The following ZNF71 variants were observed in gnomAD, a reference collection of about 807,000 sequenced individuals.
ZNF71 encodes the protein endothelial zinc finger protein induced by tumor necrosis factor alpha.
Under a neutral mutation model 6.7 loss-of-function variants are expected in ZNF71, and 3 were observed. The observed-to-expected ratio is 0.45, with a 90% CI of 0.20 to 1.16. The LOEUF (loss-of-function observed/expected upper bound fraction) is 1.16, where lower values mean the gene tolerates loss of function less well. Among genes scored for constraint, ZNF71 ranks in the 50% most tolerant of loss-of-function variants. ZNF71 has a pLI of 0.25. For synonymous variants in ZNF71, 343 were observed against 311.1 expected (o/e 1.10, Z -1.08); for missense variants, 688 against 728.6 (o/e 0.94, Z 0.64).
chr19:56,622,949 C>A lies in ZNF71; in HGVS notation c.*192C>A. The A allele has an allele frequency of 2.7e-6, 2 of 732,026 alleles. No homozygotes were observed. Among genetic ancestry groups the A allele is most frequent in the Non-Finnish European group, 4.5e-6 (2 of 448,200 alleles). The allele number at this position is 732,026 out of a possible 1,614,324, so 45.3% of individuals were successfully genotyped here. A position where few individuals can be genotyped will look rare whatever the true frequency, so the allele number is the denominator to read the frequency against. ...TCCTTACTGAGCCTCAGAAAGCAAGCCCCTCGGTGTCTGACGTATCTGGGG... is the reference window on the plus strand; with the variant it reads ...TCCTTACTGAGCCTCAGAAAGCAAGACCCTCGGTGTCTGACGTATCTGGGG... On this transcript the variant is annotated 3_prime_UTR_variant, in exon 4 of 4. Transcript: ENST00000599599.
chr19:56,605,121 A>G (rs1285761664), intron 2 of ZNF71, among the ~76,000 whole-genome samples: 1 of 152,188 alleles, frequency 6.6e-6, no homozygotes, highest in African/African-American at 2.4e-5. Flanking sequence ...ACAATTAAAA[A>G]CAATTTTGAA....
At position 56,603,740 on chromosome 19, in the gene ZNF71, G is replaced by T. The variant is rs1173779218; in HGVS notation, c.33+2149G>T. On this transcript the variant is annotated intron_variant, in intron 2 of 3. Transcript: ENST00000599599. The surrounding 1 kb of genome is among the most constrained non-coding windows in gnomAD (Gnocchi z 4.6). ...TTACCTACATTACTTAGAAAGATTTGTTGATTGTTTTTATTTCAACAGGGT... is the reference window on the plus strand; with the variant it reads ...TTACCTACATTACTTAGAAAGATTTTTTGATTGTTTTTATTTCAACAGGGT... Among the ~76,000 whole-genome samples, 1 of 147,280 alleles carries T rather than the reference G, an allele frequency of 6.8e-6. No homozygotes were observed. The highest frequency in any genetic ancestry group is 1.5e-5 in the Non-Finnish European group (1 of 66,816).
Position 56,622,949 on chromosome 19 carries a change from C to G in ZNF71, c.*192C>G. The G allele has an allele frequency of 2.7e-6, 2 of 732,028 alleles. No homozygotes were observed. Among genetic ancestry groups the G allele is most frequent in the Non-Finnish European group, 2.2e-6 (1 of 448,202 alleles). The allele number at this position is 732,028 out of a possible 1,614,324, so 45.3% of individuals were successfully genotyped here. ...TCCTTACTGAGCCTCAGAAAGCAAG[C>G]CCCTCGGTGTCTGACGTATCTGGGG... is the stretch of plus-strand genomic sequence containing the variant. On this transcript the variant is annotated 3_prime_UTR_variant, in exon 4 of 4. Transcript: ENST00000599599.
intron 2 of ZNF71, among the ~76,000 whole-genome samples, chr19:56,611,297 C>T (rs944694986): frequency 6.6e-6 from 1 of 152,092 alleles, no homozygotes; most frequent in Non-Finnish European, 1.5e-5. Flanking sequence ...TTTTCATTAC[C>T]TGCCGCTCTG....
Position 56,621,818 on chromosome 19 carries a change from G to A in ZNF71, c.711G>A (p.Gln237=). 1 of 1,612,192 alleles carries A rather than the reference G, an allele frequency of 6.2e-7. No individual in the cohort carries two copies. The highest frequency in any genetic ancestry group is 2.2e-5 in the East Asian group (1 of 44,886). The part of the protein sequence containing the change: ...FIERSSLTIH[Q]RVHTGEKPYA... ...AGCGCTCGTCCCTCACCATCCACCA[G>A]CGGGTGCACACGGGCGAGAAGCCCT... Residue 237 remains glutamine (Q), a synonymous_variant, in exon 4 of 4, where the codon CAG becomes CAA. Coordinates refer to ENST00000599599, the MANE Select transcript of ZNF71 (RefSeq NM_001370215.1).
intron 3 of ZNF71, among the ~76,000 whole-genome samples, chr19:56,614,203 A>G (rs1333632124): frequency 6.6e-6 from 1 of 152,242 alleles, no homozygotes; most frequent in Admixed American, 6.5e-5. Flanking sequence ...CAAACTTATG[A>G]GCTGGTGATT....
intron 3 of ZNF71, among the ~76,000 whole-genome samples, chr19:56,616,433 G>T (rs568081562): frequency 4.4e-4 from 67 of 152,248 alleles, no homozygotes; most frequent in African/African-American, 1.4e-3. Flanking sequence ...TTCAGATCTT[G>T]CTTTTATGAC....
chr19:56,621,472 C>G lies in ZNF71; in HGVS notation c.365C>G (p.Pro122Arg), dbSNP rs532452980. Reference protein sequence around the residue: ...AGAEWEPLGIPQGNKLLGGSV... With the variant: ...AGAEWEPLGIRQGNKLLGGSV... ...GCAGAGTGGGAGCCATTGGGAATTC[C>G]CCAGGGGAACAAACTCTTAGGGGGC... The change falls in exon 4 of 4, where the codon CCC (proline) becomes CGC (arginine). Residue 122 changes from proline to arginine, a missense_variant. Transcript: ENST00000599599. The G allele has an allele frequency of 2.2e-5, 35 of 1,614,004 alleles. No homozygotes were observed. In the South Asian group the frequency reaches 3.7e-4, roughly 17 times the overall value.
intron 1 of ZNF71, among the ~76,000 whole-genome samples, chr19:56,596,537 C>T (rs2044626414): frequency 6.6e-6 from 1 of 152,154 alleles, no homozygotes; most frequent in Non-Finnish European, 1.5e-5. Context: ...TTTCTTCTGC[C>T]TCCCACAGGA....
Position 56,622,482 on chromosome 19 carries a change from G to T in ZNF71, c.1375G>T (p.Val459Leu). ...KHFTGRSSLI[V>L]HQIVHTGEKP... is the part of the protein sequence containing the mutation. ...CTTCACGGGGCGCTCGTCCCTCATCGTGCACCAGATCGTGCACACCGGGGA... is the reference window on the plus strand; with the variant it reads ...CTTCACGGGGCGCTCGTCCCTCATCTTGCACCAGATCGTGCACACCGGGGA... Residue 459 changes from valine (V) to leucine (L), a missense_variant, in exon 4 of 4, where the codon GTG becomes TTG. Transcript: ENST00000599599. 1.3e-6 allele frequency: 2 copies of T among 1,599,882 alleles called. No homozygotes were observed. Among genetic ancestry groups the T allele is most frequent in the South Asian group, 1.1e-5 (1 of 90,074 alleles).
Position 56,622,356 on chromosome 19 carries a change from A to C in ZNF71, c.1249A>C (p.Ser417Arg). 6.2e-7 allele frequency: 1 copy of C among 1,605,978 alleles called. No homozygotes were observed. Among genetic ancestry groups the C allele is most frequent in the South Asian group, 1.1e-5 (1 of 90,698 alleles). ...CATCGGCGTGAAGCCGTTCGAGTGC[A>C]GCGAGTGCGGCAAGGCCTTCAGCAA... is the stretch of plus-strand genomic sequence containing the variant. ...FHIGVKPFEC[S>R]ECGKAFSKNS... The change falls in exon 4 of 4, where the codon AGC becomes CGC. Residue 417 changes from serine (S) to arginine (R), a missense_variant. Coordinates refer to ENST00000599599, the MANE Select transcript of ZNF71 (RefSeq NM_001370215.1).
Position 56,622,454 on chromosome 19 carries a change from G to T in ZNF71, c.1347G>T (p.Lys449Asn). 6.2e-7 allele frequency: 1 copy of T among 1,613,566 alleles called. No homozygotes were observed. The highest frequency in any genetic ancestry group is 8.5e-7 in the Non-Finnish European group (1 of 1,179,896). Reference sequence around the variant, plus strand: ...CCTACGAGTGCTACATCTGCAAGAAGCACTTCACGGGGCGCTCGTCCCTCA... The same window carrying T: ...CCTACGAGTGCTACATCTGCAAGAATCACTTCACGGGGCGCTCGTCCCTCA... ...EKPYECYICK[K>N]HFTGRSSLIV... is the part of the protein sequence containing the mutation. Residue 449 changes from lysine to asparagine, a missense_variant, in exon 4 of 4, where the codon AAG becomes AAT. Coordinates refer to ENST00000599599, the MANE Select transcript of ZNF71 (RefSeq NM_001370215.1).
Position 56,598,631 on chromosome 19 carries a change from C to T in ZNF71, c.-52-2876C>T, listed in dbSNP as rs1226631551. Among the ~76,000 whole-genome samples, 2 of 152,158 alleles carry T rather than the reference C, an allele frequency of 1.3e-5. No homozygotes were observed. Among genetic ancestry groups the T allele is most frequent in the African/African-American group, 2.4e-5 (1 of 41,430 alleles). ...TCATTCTTTGTTGTGGGGCCTGTCG[C>T]GTGCATCGTACAGTGTGTAGCAGCA... On this transcript the variant is annotated intron_variant, in intron 1 of 3. Transcript: ENST00000599599. This position sits in a 1 kb window ranked among gnomAD's most constrained non-coding sequence, Gnocchi z 4.2.
intron 2 of ZNF71, among the ~76,000 whole-genome samples, chr19:56,606,898 C>T (rs1228355548): frequency 6.6e-6 from 1 of 152,068 alleles, no homozygotes; most frequent in Non-Finnish European, 1.5e-5. Context: ...TCCCTAAGGC[C>T]AGCCCACATT....
chr19:56,621,130 G>T, intron 3 of ZNF71, 138 bp from the exon 4 acceptor site: 1 of 833,436 alleles, frequency 1.2e-6, no homozygotes, highest in Non-Finnish European at 1.7e-6. Context: ...TCTGATCCAA[G>T]GTTCTTCTTT....
intron 2 of ZNF71, among the ~76,000 whole-genome samples, chr19:56,607,979 C>T (rs946759617): frequency 2.6e-5 from 4 of 152,184 alleles, no homozygotes; most frequent in Non-Finnish European, 5.9e-5. Flanking sequence ...TCAGATGGGC[C>T]TCTCCAAAGG....
chr19:56,623,756 G>C lies in ZNF71; in HGVS notation c.*999G>C, dbSNP rs1474271496. The C allele has an allele frequency of 1.2e-5, 2 of 167,172 alleles. No individual in the cohort carries two copies. Among genetic ancestry groups the C allele is most frequent in the African/African-American group, 4.8e-5 (2 of 41,426 alleles). 10.4% of individuals were successfully genotyped at this position (167,172 alleles called of 1,614,324 possible). ...CCAAGATCAAGGCTCTGGCAGATTT[G>C]GTGTCTGATGGGGTATGTTCTTCAT... On this transcript the variant is annotated 3_prime_UTR_variant, in exon 4 of 4. Transcript: ENST00000599599.
chr19:56,616,562 G>T (rs1344317533), intron 3 of ZNF71, among the ~76,000 whole-genome samples: 1 of 152,208 alleles, frequency 6.6e-6, no homozygotes, highest in Non-Finnish European at 1.5e-5. Flanking sequence ...TCCCAGCCCT[G>T]TGTCAGCTCC....
chr19:56,611,905 A>G (rs2044754601), intron 2 of ZNF71, among the ~76,000 whole-genome samples: 1 of 152,258 alleles, frequency 6.6e-6, no homozygotes, highest in African/African-American at 2.4e-5. Flanking sequence ...GACTTGTGGC[A>G]GCATAACTCC....
Sources: allele counts gnomAD v4.1 joint callset (sites outside exome capture counted in the v4.1 genomes callset), GRCh38; gene constraint gnomAD v4.1.1; non-coding constraint Gnocchi (gnomAD v3.1); transcripts MANE v1.5; gene names NCBI Gene and HGNC (gene_info 2026-07-23, HGNC 2026-07-21).